The following DGKG variants were observed in gnomAD, a reference collection of about 807,000 sequenced individuals.
DGKG encodes diacylglycerol kinase gamma, also known as DAG kinase gamma.
A neutral mutation model predicts 105.3 loss-of-function variants in DGKG; 78 were observed. That is an observed-to-expected ratio of 0.74 (90% CI 0.62 to 0.89). The LOEUF (loss-of-function observed/expected upper bound fraction) is 0.89. Ranked by LOEUF, DGKG falls within the 40% of genes least tolerant of loss-of-function variation. The probability of loss-of-function intolerance (pLI) is 0.00; values close to 1 mark genes in which losing one functional copy is unlikely to be tolerated. For missense variants in DGKG, 958 were observed against 1,020.1 expected (o/e 0.94, Z 0.83); for synonymous variants, 346 against 367.1 (o/e 0.94, Z 0.66).
chr3:186,227,834 T>G (rs1719927642), intron 20 of DGKG, among the ~76,000 whole-genome samples: 1 of 152,218 alleles, frequency 6.6e-6, no homozygotes, highest in South Asian at 2.1e-4. Context: ...CGACTGAATA[T>G]GCTAATCACA....
intron 1 of DGKG, among the ~76,000 whole-genome samples, chr3:186,325,754 T>C (rs1370001669): frequency 2.0e-5 from 3 of 151,820 alleles, no homozygotes; most frequent in African/African-American, 7.3e-5. Flanking sequence ...ATATATAATA[T>C]ATATTTATTT....
At chr3:186,324,994 G>T (rs187857033) in intron 1 of DGKG, among the ~76,000 whole-genome samples, 1 of 152,310 alleles carries the variant, frequency 6.6e-6, no homozygotes, top group African/African-American at 2.4e-5. Context: ...TAAAGAAAAT[G>T]TAATGCACAT....
At chr3:186,310,227 A>G (rs561226401) in intron 2 of DGKG, among the ~76,000 whole-genome samples, 3 of 129,616 alleles carry the variant, frequency 2.3e-5, no homozygotes, top group Admixed American at 9.2e-5. Context: ...AGACCGCACC[A>G]CTGCACTCCA....
At chr3:186,255,739 C>T (rs1191299998) in intron 17 of DGKG, among the ~76,000 whole-genome samples, 2 of 152,192 alleles carry the variant, frequency 1.3e-5, no homozygotes, top group Non-Finnish European at 2.9e-5. Context: ...GCTTTATGCA[C>T]ACCATGCACC....
intron 1 of DGKG, among the ~76,000 whole-genome samples, chr3:186,351,509 A>C (rs981280595): frequency 2.0e-5 from 3 of 152,206 alleles, no homozygotes; most frequent in African/African-American, 7.2e-5. Context: ...ATCTCTAGGA[A>C]GTTCTAATGC....
intron 24 of DGKG, among the ~76,000 whole-genome samples, chr3:186,154,684 AAG>A (rs1715947093): frequency 6.6e-6 from 1 of 151,984 alleles, no homozygotes. Flanking sequence ...AGAAAAAAAA[AAG>A]AATGTAACTG....
At chr3:186,264,137 A>G (rs1272708239) in intron 14 of DGKG, among the ~76,000 whole-genome samples, 3 of 152,216 alleles carry the variant, frequency 2.0e-5, no homozygotes, top group Non-Finnish European at 2.9e-5. Flanking sequence ...AACAACTGGC[A>G]TACATGTATC....
chr3:186,221,532 C>T (rs2108529802), intron 20 of DGKG, among the ~76,000 whole-genome samples: 2 of 152,250 alleles, frequency 1.3e-5, no homozygotes, highest in South Asian at 4.1e-4. Context: ...AAAAAGAAAT[C>T]CCTGCCTGGA....
chr3:186,228,937 G>C (rs1197117510), intron 20 of DGKG, among the ~76,000 whole-genome samples: 1 of 152,170 alleles, frequency 6.6e-6, no homozygotes, highest in Non-Finnish European at 1.5e-5. Flanking sequence ...ACCTGTGAAT[G>C]TGACCTTATT....
intron 21 of DGKG, among the ~76,000 whole-genome samples, chr3:186,190,636 C>T (rs1717861831): frequency 1.3e-5 from 2 of 152,146 alleles, no homozygotes; most frequent in Admixed American, 1.3e-4. Context: ...ATTTTTCATC[C>T]AGTTCTTCGC....
intron 20 of DGKG, among the ~76,000 whole-genome samples, chr3:186,229,440 T>C (rs1720025474): frequency 6.6e-6 from 1 of 152,140 alleles, no homozygotes; most frequent in East Asian, 1.9e-4. Flanking sequence ...AGACGGGGTT[T>C]CACCATGTTG....
chr3:186,319,127 G>A (rs999829205), intron 2 of DGKG, among the ~76,000 whole-genome samples: 1 of 152,046 alleles, frequency 6.6e-6, no homozygotes, highest in Non-Finnish European at 1.5e-5. Context: ...TTTGCTTCTT[G>A]TCAATATATT....
chr3:186,164,795 C>T (rs953726208), intron 23 of DGKG, 103 bp downstream of exon 23: 3 of 1,338,266 alleles, frequency 2.2e-6, no homozygotes, highest in Middle Eastern at 2.1e-4. Context: ...TTTTGTGCTG[C>T]ACTCTCCCTG....
rs754439007 is a variant in DGKG at position 186,150,155 on chromosome 3, T to C, written c.2311A>G (p.Met771Val). The C allele has an allele frequency of 3.7e-6, 6 of 1,613,436 alleles. No individual in the cohort carries two copies. Among genetic ancestry groups the C allele is most frequent in the Non-Finnish European group, 5.1e-6 (6 of 1,179,780 alleles). The change falls in exon 25 of 25, where the codon ATG (methionine) becomes GTG (valine). Residue 771 changes from methionine (M) to valine (V), a missense_variant. Met to Val is a conservative substitution (Grantham distance 21). Around this residue, in one of 2 missense-constraint regions of DGKG, gnomAD observed 315 missense variants for 400.6 expected, o/e 0.79. Transcript: ENST00000265022. ...KITHKNQAPM[M>V]MGPPQKSSFF... ...CTGCTCTTCTGGGGAGGCCCCATCATCATGGGCGCTTGGTTCTTGTGAGTA... is the reference window on the plus strand; with the variant it reads ...CTGCTCTTCTGGGGAGGCCCCATCACCATGGGCGCTTGGTTCTTGTGAGTA...
At chr3:186,303,785 G>A (rs768723000) in intron 3 of DGKG, among the ~76,000 whole-genome samples, 3 of 152,090 alleles carry the variant, frequency 2.0e-5, no homozygotes, top group African/African-American at 4.8e-5. Flanking sequence ...TGTTCATCAC[G>A]GCCAGATGCA....
chr3:186,235,557 G>A (rs149001573), intron 20 of DGKG, among the ~76,000 whole-genome samples: 20 of 152,286 alleles, frequency 1.3e-4, no homozygotes, highest in East Asian at 5.8e-4. Flanking sequence ...CTCACAGGGC[G>A]CCAGGAAAGA....
At chr3:186,157,410 C>T (rs1376871218) in intron 24 of DGKG, among the ~76,000 whole-genome samples, 2 of 150,914 alleles carry the variant, frequency 1.3e-5, no homozygotes, top group South Asian at 4.1e-4. Context: ...TATATATAGT[C>T]TATAGTCTAT....
intron 9 of DGKG, among the ~76,000 whole-genome samples, chr3:186,275,866 T>C (rs1722557641): frequency 6.6e-6 from 1 of 152,220 alleles, no homozygotes. Context: ...AAGAAACATC[T>C]GAATGGAAGC....
intron 20 of DGKG, among the ~76,000 whole-genome samples, chr3:186,215,950 A>G (rs969873483): frequency 6.6e-6 from 1 of 151,048 alleles, no homozygotes; most frequent in South Asian, 2.1e-4. Context: ...TAGGGCTTGG[A>G]GATAAGTGAT....
Sources: gnomAD v4.1 joint callset for allele counts (sites outside exome capture counted in the v4.1 genomes callset) on GRCh38, gnomAD v4.1.1 for gene constraint, gnomAD v4.1.1 regional missense constraint, MANE v1.5 for transcripts, NCBI Gene and HGNC (gene_info 2026-07-23, HGNC 2026-07-21) for gene names.